The following CXCL14 variants were observed in gnomAD, a reference collection of about 807,000 sequenced individuals.
The protein encoded by CXCL14 is C-X-C motif chemokine 14.
CXCL14 carries 9 observed loss-of-function variants against 16.1 expected under a neutral mutation model. The ratio of observed to expected loss-of-function variants is 0.56; its 90% CI spans 0.34 to 0.97. CXCL14 has a LOEUF of 0.97. Among genes scored for constraint, CXCL14 ranks in the 50% least tolerant of loss-of-function variants. The pLI is 0.02. For missense variants in CXCL14, 111 were observed against 132.5 expected, an observed-to-expected ratio of 0.84 and a Z score of 0.80; for synonymous variants, 55 against 52.8, an observed-to-expected ratio of 1.04 and a Z score of -0.18.
At chr5:135,577,635 T>C (rs1375607310) in intron 2 of CXCL14, among the ~76,000 whole-genome samples, 2 of 152,232 alleles carry the variant, frequency 1.3e-5, no homozygotes, top group Admixed American at 6.5e-5. Flanking sequence ...GCCAATGGTC[T>C]GTGGCAAATA....
Position 135,570,988 on chromosome 5 carries a change from G to T in CXCL14, c.*865C>A, listed in dbSNP as rs1269832603. 1 of 152,174 alleles carries T rather than the reference G, an allele frequency of 6.6e-6. No individual in the cohort carries two copies. The highest frequency in any genetic ancestry group is 1.9e-4 in the East Asian group (1 of 5,192). The allele number at this position is 152,174 out of a possible 1,614,324, so 9.4% of individuals were successfully genotyped here. On this transcript the variant is annotated 3_prime_UTR_variant, in exon 4 of 4. Transcript: ENST00000512158. The stretch of plus-strand genomic sequence containing the variant: ...GTGAGGGAAAGAAACATGCTTTGAA[G>T]GTTTTCCCTTGTCAACAGAATGTGT...
Position 135,578,632 on chromosome 5 carries a change from C to T in CXCL14, c.64+83G>A. Reference sequence around the variant, plus strand: ...CCACCCAGACCACCCCCCGCGGGATCCCAGGATGCCTAGAAATTGGCGCTT... The same window carrying T: ...CCACCCAGACCACCCCCCGCGGGATTCCAGGATGCCTAGAAATTGGCGCTT... On this transcript the variant is annotated intron_variant, in intron 1 of 3. Coordinates refer to ENST00000512158, the MANE Select transcript of CXCL14 (RefSeq NM_004887.5). 3 of 1,589,324 alleles carry T rather than the reference C, an allele frequency of 1.9e-6. No homozygotes were observed. In the South Asian group the frequency reaches 3.4e-5, roughly 18 times the overall value.
At chr5:135,572,238 G>A (rs1342289180) in intron 3 of CXCL14, among the ~76,000 whole-genome samples, 2 of 152,292 alleles carry the variant, frequency 1.3e-5, no homozygotes, top group South Asian at 2.1e-4. Flanking sequence ...CTAGCATGGC[G>A]GGCTGCTCCC....
Position 135,571,918 on chromosome 5 carries a change from G to A in CXCL14, c.285-50C>T, listed in dbSNP as rs190844135. 2,236 of 1,600,710 alleles carry A rather than the reference G, an allele frequency of 1.4e-3. 3 individuals are homozygous for A. Among genetic ancestry groups the A allele is most frequent in the Non-Finnish European group, 1.7e-3 (2,004 of 1,169,128 alleles). ...AGTGGCTCAGGACATGAGGCAGGCC[G>A]TTCACAAGATGCTGGCTAAGCGGCT... On this transcript the variant is annotated intron_variant, in intron 3 of 3. Transcript: ENST00000512158.
At chr5:135,575,352 TC>T (rs761865873) in intron 2 of CXCL14, among the ~76,000 whole-genome samples, 10 of 152,040 alleles carry the variant, frequency 6.6e-5, no homozygotes, top group Non-Finnish European at 1.3e-4. Flanking sequence ...TCAGCCAATG[TC>T]CCAACACCCA....
chr5:135,571,957 G>A, intron 3 of CXCL14, 89 bp from the exon 4 acceptor site: 2 of 1,346,924 alleles, frequency 1.5e-6, no homozygotes, highest in Non-Finnish European at 2.1e-6. Context: ...TTCACGTCTG[G>A]TCTGCAGGGA....
In CXCL14 at chr5:135,574,780, C is replaced by G. The variant is rs59754501; in HGVS notation, c.171-95G>C. On this transcript the variant is annotated intron_variant, in intron 2 of 3. Coordinates refer to ENST00000512158, the MANE Select transcript of CXCL14 (RefSeq NM_004887.5). ...GAGTAGCCCTGGGCTAAGTCAGGGC[C>G]CTGAGAGACTGTGGCTTCCTGCCTC... 16,046 of 1,009,904 alleles carry G rather than the reference C, an allele frequency of 0.016. 1,619 individuals carry two copies. The African/African-American group carries it at 0.22, about 14-fold the overall frequency. The allele number at this position is 1,009,904 out of a possible 1,614,324, so 62.6% of individuals were successfully genotyped here.
chr5:135,578,531 A>C lies in CXCL14; in HGVS notation c.73T>G (p.Cys25Gly), dbSNP rs1462859589. 1.9e-6 allele frequency: 3 copies of C among 1,614,150 alleles called. No individual in the cohort carries two copies. Among genetic ancestry groups the C allele is most frequent in the Non-Finnish European group, 1.7e-6 (2 of 1,180,020 alleles). ...TTGGGTCCCTTCCGGGAGCACTTGC[A>C]TTTGGACCCTGCGAGCGAGCGCGGG... is the stretch of plus-strand genomic sequence containing the variant. ...LYTARVDGSK[C>G]KCSRKGPKIR... Residue 25 changes from cysteine to glycine, a missense_variant, in exon 2 of 4, where the codon TGC (cysteine) becomes GGC (glycine). By Grantham distance (159) the Cys-to-Gly change is radical (BLOSUM62 -3). Transcript: ENST00000512158.
intron 3 of CXCL14, among the ~76,000 whole-genome samples, chr5:135,574,186 TCA>T (rs986385451): frequency 2.0e-5 from 3 of 152,222 alleles, no homozygotes; most frequent in African/African-American, 7.2e-5. Flanking sequence ...ACCTAAGTGG[TCA>T]CATTTCACCC....
chr5:135,573,756 C>G (rs1278112327), intron 3 of CXCL14, among the ~76,000 whole-genome samples: 1 of 151,378 alleles, frequency 6.6e-6, no homozygotes, highest in African/African-American at 2.4e-5. Context: ...CCTGATCATG[C>G]TATGCAGGCA....
chr5:135,578,796 G>A lies in CXCL14; in HGVS notation c.-18C>T, dbSNP rs992234606. 4.6e-6 allele frequency: 7 copies of A among 1,535,142 alleles called. No homozygotes were observed. The African/African-American group carries it at 8.3e-5, about 18-fold the overall frequency. On this transcript the variant is annotated 5_prime_UTR_variant, in exon 1 of 4. Transcript: ENST00000512158. Reference sequence around the variant, plus strand: ...AGCCTCATGCTGACCGGAGGGGCGCGGCGTGGGAGCAGGGACATGGGGAGG... The same window carrying A: ...AGCCTCATGCTGACCGGAGGGGCGCAGCGTGGGAGCAGGGACATGGGGAGG...
At chr5:135,576,399 T>C (rs1217643735) in intron 2 of CXCL14, among the ~76,000 whole-genome samples, 4 of 152,200 alleles carry the variant, frequency 2.6e-5, no homozygotes, top group African/African-American at 9.7e-5. Context: ...GTTAGGTCAG[T>C]GTGCAGGCTG....
Position 135,571,233 on chromosome 5 carries a change from A to T in CXCL14, c.*620T>A, listed in dbSNP as rs1371947582. 6.6e-6 allele frequency: 1 copy of T among 152,298 alleles called. No individual in the cohort carries two copies. Among genetic ancestry groups the T allele is most frequent in the African/African-American group, 2.4e-5 (1 of 41,454 alleles). 9.4% of individuals were successfully genotyped at this position (152,298 alleles called of 1,614,324 possible). ...GAAATGTTTCCTAGGGTGTGTAAAA[A>T]TTAACCAGGGGGGAATGAAGCACAT... On this transcript the variant is annotated 3_prime_UTR_variant, in exon 4 of 4. Transcript: ENST00000512158.
chr5:135,577,214 G>C (rs796446031), intron 2 of CXCL14, among the ~76,000 whole-genome samples: 7 of 152,244 alleles, frequency 4.6e-5, no homozygotes, highest in African/African-American at 1.7e-4. Context: ...GCTCTTAGAC[G>C]AGTGAGATTT....
intron 3 of CXCL14, 41 bp from the exon 4 acceptor site, chr5:135,571,909 A>C: frequency 5.0e-6 from 8 of 1,609,626 alleles, no homozygotes; most frequent in Non-Finnish European, 6.8e-6. Context: ...TCAGGACATG[A>C]GGCAGGCCGT....
intron 3 of CXCL14, among the ~76,000 whole-genome samples, chr5:135,572,594 T>C (rs1433488225): frequency 1.3e-5 from 2 of 152,246 alleles, no homozygotes; most frequent in African/African-American, 2.4e-5. Flanking sequence ...ATGGCTGCCC[T>C]GGGGCCATAC....
intron 3 of CXCL14, among the ~76,000 whole-genome samples, chr5:135,572,912 CA>C (rs1259361879): frequency 6.6e-6 from 1 of 152,056 alleles, no homozygotes; most frequent in Non-Finnish European, 1.5e-5. Context: ...CAACTTGTTT[CA>C]GGGGAGGGAG....
Position 135,574,598 on chromosome 5 carries a change from C to T in CXCL14, c.258G>A (p.Trp86Ter). 1 of 1,613,158 alleles carries T rather than the reference C, an allele frequency of 6.2e-7. No homozygotes were observed. Among genetic ancestry groups the T allele is most frequent in the Non-Finnish European group, 8.5e-7 (1 of 1,179,866 alleles). Residue 86 changes from tryptophan to a stop codon, truncating the protein, a stop_gained, in exon 3 of 4, where the codon TGG becomes TGA. Transcript: ENST00000512158. LOFTEE classifies it high-confidence loss of function. ...TGCGCTTCTCGTTCCAGGCGTTGTA[C>T]CACTTGATGAAGCGCTTGGTGCTCT... ...KLQSTKRFIK[W>*]YNAWNEKRRV...
rs371946511 is a variant in CXCL14 at position 135,578,701 on chromosome 5, C to A, written c.64+14G>T. On this transcript the variant is annotated intron_variant, in intron 1 of 3. Coordinates refer to ENST00000512158, the MANE Select transcript of CXCL14 (RefSeq NM_004887.5). Reference sequence around the variant, plus strand: ...CAAGACGAGACGGCGACAAGGGGAGCTCCCCGCACTCACCGTCCACACGCG... The same window carrying A: ...CAAGACGAGACGGCGACAAGGGGAGATCCCCGCACTCACCGTCCACACGCG... The A allele has an allele frequency of 1.3e-6, 2 of 1,552,080 alleles. No homozygotes were observed. The highest frequency in any genetic ancestry group is 1.4e-5 in the African/African-American group (1 of 73,276).
Sources: gnomAD v4.1 joint callset for allele counts (sites outside exome capture counted in the v4.1 genomes callset) on GRCh38, gnomAD v4.1.1 for gene constraint, MANE v1.5 for transcripts, NCBI Gene and HGNC (gene_info 2026-07-23, HGNC 2026-07-21) for gene names.